Variants in GLUL observed in about 807,000 individuals in gnomAD.
GLUL encodes glutamate-ammonia ligase.
A neutral mutation model predicts 36.9 loss-of-function variants in GLUL; 8 were observed. The observed-to-expected ratio is 0.22, with a 90% confidence interval of 0.13 to 0.39. The LOEUF is 0.39. GLUL is among the 10% of genes least tolerant of loss of function. GLUL has a pLI of 1.00. For missense variants in GLUL, 315 were observed against 501.8 expected (o/e 0.63, Z 3.56); for synonymous variants, 182 against 172.8 (o/e 1.05, Z -0.42).
Position 182,381,539 on chromosome 1 carries a change from G to C in GLUL, c.*2866C>G, listed in dbSNP as rs1229363452. On this transcript the variant is annotated 3_prime_UTR_variant, in exon 7 of 7. Coordinates refer to ENST00000331872, the MANE Select transcript of GLUL (RefSeq NM_001033044.4). ...ATAAAAAACACCTTAGAAATACAAG[G>C]GGATTGCACTGTGACCTGTAGGTCA... Among the ~76,000 whole-genome samples, 2 of 152,070 alleles carry C rather than the reference G, an allele frequency of 1.3e-5. No individual in the cohort carries two copies. Among genetic ancestry groups the C allele is most frequent in the Non-Finnish European group, 2.9e-5 (2 of 68,030 alleles).
intron 2 of GLUL, 95 bp downstream of exon 2, chr1:182,388,477 G>T: frequency 9.2e-7 from 1 of 1,090,768 alleles, no homozygotes. Flanking sequence ...ACAAACAGAA[G>T]AAAGAGGCCT....
At chr1:182,389,085 C>A in intron 1 of GLUL, 1 of 356,836 alleles carries the variant, frequency 2.8e-6, no homozygotes, top group Non-Finnish European at 5.4e-6. Context: ...ACAGCTACTG[C>A]AGAACCCAGG....
In GLUL at chr1:182,385,972, C is replaced by T. The variant is rs532135746; in HGVS notation, c.476-85G>A. 9 of 1,380,936 alleles carry T rather than the reference C, an allele frequency of 6.5e-6. No individual in the cohort carries two copies. In the South Asian group the frequency reaches 8.1e-5, roughly 12 times the overall value. 85.5% of individuals were successfully genotyped at this position (1,380,936 alleles called of 1,614,324 possible). A position where few individuals can be genotyped will look rare whatever the true frequency, so the allele number is the denominator to read the frequency against. ...GAGATCAGAAGGCCCTTAAGCCTTG[C>T]CCTCTTGAATCACTATCCTTGCCTT... On this transcript the variant is annotated intron_variant, in intron 4 of 6. Transcript: ENST00000331872.
rs1649946553 is a variant in GLUL at position 182,381,983 on chromosome 1, C to T, written c.*2422G>A. The T allele has an allele frequency of 6.6e-6, 1 of 152,108 alleles. No homozygotes were observed. Among genetic ancestry groups the T allele is most frequent in the Non-Finnish European group, 1.5e-5 (1 of 68,024 alleles). The allele number at this position is 152,108 out of a possible 1,614,324, so 9.4% of individuals were successfully genotyped here. On this transcript the variant is annotated 3_prime_UTR_variant, in exon 7 of 7. Coordinates refer to ENST00000331872, the MANE Select transcript of GLUL (RefSeq NM_001033044.4). Reference sequence around the variant, plus strand: ...TTGAATATTAAATCATATTACGAGCCAACTTTCTTAAGAAAAACCACGGAT... The same window carrying T: ...TTGAATATTAAATCATATTACGAGCTAACTTTCTTAAGAAAAACCACGGAT...
chr1:182,386,200 A>G (rs759885355), intron 4 of GLUL, 56 bp downstream of exon 4: 30 of 1,514,990 alleles, frequency 2.0e-5, no homozygotes, highest in Non-Finnish European at 2.7e-5. Context: ...GGGAAGGGGC[A>G]TTCCTGCACA....
At position 182,384,215 on chromosome 1, in the gene GLUL, G is replaced by T. The variant is rs979398636; in HGVS notation, c.*190C>A. 10 of 614,120 alleles carry T rather than the reference G, an allele frequency of 1.6e-5. No individual in the cohort carries two copies. Among genetic ancestry groups the T allele is most frequent in the Non-Finnish European group, 2.9e-5 (10 of 343,146 alleles). 38.0% of individuals were successfully genotyped at this position (614,120 alleles called of 1,614,324 possible). A position where few individuals can be genotyped will look rare whatever the true frequency, so the allele number is the denominator to read the frequency against. On this transcript the variant is annotated 3_prime_UTR_variant, in exon 7 of 7. Coordinates refer to ENST00000331872, the MANE Select transcript of GLUL (RefSeq NM_001033044.4). Reference sequence around the variant, plus strand: ...TAGGGAAAAAAAGGAGGGTAGGTGTGAAGAAATTAATAACTTGACCCCTCT... The same window carrying T: ...TAGGGAAAAAAAGGAGGGTAGGTGTTAAGAAATTAATAACTTGACCCCTCT...
intron 3 of GLUL, 160 bp downstream of exon 3, chr1:182,386,971 C>G (rs2101934498): frequency 1.4e-6 from 1 of 705,024 alleles, no homozygotes; most frequent in East Asian, 2.7e-5. Context: ...CATATTATCT[C>G]TTCCTCAAAG....
rs1233228744 is a variant in GLUL, at chr1:182,381,688, A to C, written c.*2717T>G. The C allele has an allele frequency of 1.3e-5, 2 of 152,214 alleles. No individual in the cohort carries two copies. Among genetic ancestry groups the C allele is most frequent in the Non-Finnish European group, 2.9e-5 (2 of 68,042 alleles). The allele number at this position is 152,214 out of a possible 1,614,324, so 9.4% of individuals were successfully genotyped here. ...TTTGTCATGGAATTGATTACAATGAACAAAATCCAAAGTGCTCAGGTCACT... is the reference window on the plus strand; with the variant it reads ...TTTGTCATGGAATTGATTACAATGACCAAAATCCAAAGTGCTCAGGTCACT... On this transcript the variant is annotated 3_prime_UTR_variant, in exon 7 of 7. Coordinates refer to ENST00000331872, the MANE Select transcript of GLUL (RefSeq NM_001033044.4).
rs1217504053 is a variant in GLUL, at chr1:182,381,126, G to A, written c.*3279C>T. Reference sequence around the variant, plus strand: ...TACTAAAAATACAAAAATTAGCTGAGCATGGTGGTGCACACCTGTAGTCTC... The same window carrying A: ...TACTAAAAATACAAAAATTAGCTGAACATGGTGGTGCACACCTGTAGTCTC... On this transcript the variant is annotated 3_prime_UTR_variant, in exon 7 of 7. Transcript: ENST00000331872. 6.6e-6 allele frequency among the ~76,000 whole-genome samples: 1 copy of A among 152,206 alleles called. No individual in the cohort carries two copies. The highest frequency in any genetic ancestry group is 2.4e-5 in the African/African-American group (1 of 41,450).
intron 1 of GLUL, chr1:182,390,765 G>A: frequency 2.5e-6 from 1 of 399,156 alleles, no homozygotes; most frequent in Middle Eastern, 6.3e-4. Context: ...CAGCTGGAGC[G>A]CGACCCGGAG....
chr1:182,385,193 T>C (rs902466326), intron 6 of GLUL, 164 bp downstream of exon 6: 4 of 650,318 alleles, frequency 6.2e-6, no homozygotes, highest in African/African-American at 1.8e-5. Context: ...TGAAGGCAAG[T>C]GTCAACACCT....
chr1:182,385,568 A>C lies in GLUL; in HGVS notation c.604-12T>G, dbSNP rs1326113780. The C allele has an allele frequency of 6.2e-7, 1 of 1,612,574 alleles. No individual in the cohort carries two copies. Among genetic ancestry groups the C allele is most frequent in the African/African-American group, 1.3e-5 (1 of 74,982 alleles). ...ATCTGAAATTCCCACTAGAAACGAG[A>C]AGCTTGGCCATTAAAACAAAGCTAA... On this transcript the variant is annotated splice_polypyrimidine_tract_variant and intron_variant, in intron 5 of 6. Coordinates refer to ENST00000331872, the MANE Select transcript of GLUL (RefSeq NM_001033044.4).
At position 182,388,600 on chromosome 1, in the gene GLUL, G is replaced by C; in HGVS notation, c.138C>G (p.Thr46=). 6.2e-7 allele frequency: 1 copy of C among 1,613,884 alleles called. No individual in the cohort carries two copies. Among genetic ancestry groups the C allele is most frequent in the South Asian group, 1.1e-5 (1 of 91,078 alleles). ...TGEGLRCKTR[T]LDSEPKCVEE... is the part of the protein sequence containing the mutation. ...CCACACACTTGGGCTCACTGTCCAGGGTCCGGGTCTTGCAGCGCAGTCCTT... is the reference window on the plus strand; with the variant it reads ...CCACACACTTGGGCTCACTGTCCAGCGTCCGGGTCTTGCAGCGCAGTCCTT... The change falls in exon 2 of 7, where the codon ACC becomes ACG. Residue 46 remains threonine, a synonymous_variant. Transcript: ENST00000331872.
In GLUL at chr1:182,378,531, C is replaced by G. The variant is rs1215611956; in HGVS notation, c.*5874G>C. The stretch of plus-strand genomic sequence containing the variant: ...ACTTTAAGAACAATTATACCTTCTA[C>G]ATCTTACCACTCCCCATTCCTAGTG... On this transcript the variant is annotated 3_prime_UTR_variant, in exon 7 of 7. Transcript: ENST00000331872. Among the ~76,000 whole-genome samples, 2 of 152,176 alleles carry G rather than the reference C, an allele frequency of 1.3e-5. No individual in the cohort carries two copies. Among genetic ancestry groups the G allele is most frequent in the Non-Finnish European group, 2.9e-5 (2 of 68,036 alleles).
chr1:182,382,157 T>A lies in GLUL; in HGVS notation c.*2248A>T, dbSNP rs1367519163. ...TTGCCCACATTATTAGTAGTATTAA[T>A]GCTATTAATAATATTGCACTCCAAT... On this transcript the variant is annotated 3_prime_UTR_variant, in exon 7 of 7. Transcript: ENST00000331872. 6.6e-6 allele frequency: 1 copy of A among 152,216 alleles called. No homozygotes were observed. Among genetic ancestry groups the A allele is most frequent in the South Asian group, 2.1e-4 (1 of 4,826 alleles). The allele number at this position is 152,216 out of a possible 1,614,324, so 9.4% of individuals were successfully genotyped here.
chr1:182,386,069 C>G (rs1345391333), intron 4 of GLUL, 182 bp from the exon 5 acceptor site: 1 of 865,394 alleles, frequency 1.2e-6, no homozygotes, highest in Non-Finnish European at 2.0e-6. Flanking sequence ...TGGGGCCAAA[C>G]GTTCCCCCTA....
rs770756096 is a variant in GLUL at position 182,385,551 on chromosome 1, T to A, written c.609A>T (p.Glu203Asp). The A allele has an allele frequency of 6.2e-7, 1 of 1,613,900 alleles. No individual in the cohort carries two copies. Among genetic ancestry groups the A allele is most frequent in the Non-Finnish European group, 8.5e-7 (1 of 1,179,842 alleles). ...TTCCTTCACAAGGTCCAATCTGAAATTCCCACTAGAAACGAGAAGCTTGGC... is the reference window on the plus strand; with the variant it reads ...TTCCTTCACAAGGTCCAATCTGAAAATCCCACTAGAAACGAGAAGCTTGGC... ...TNAEVMPAQW[E>D]FQIGPCEGIS... The change falls in exon 6 of 7, where the codon GAA becomes GAT. Residue 203 changes from glutamate (E) to aspartate (D), a missense_variant. By Grantham distance (45) the Glu-to-Asp change is conservative (BLOSUM62 2). Coordinates refer to ENST00000331872, the MANE Select transcript of GLUL (RefSeq NM_001033044.4).
At chr1:182,385,936 T>A in intron 4 of GLUL, 49 bp from the exon 5 acceptor site, 1 of 1,591,710 alleles carries the variant, frequency 6.3e-7, no homozygotes, top group Non-Finnish European at 8.6e-7. Flanking sequence ...ATCCAGAGAA[T>A]CCCAAAGTCA....
At chr1:182,387,455 T>C (rs2101935204) in intron 2 of GLUL, among the ~76,000 whole-genome samples, 163 bp from the exon 3 acceptor site, 1 of 152,346 alleles carries the variant, frequency 6.6e-6, no homozygotes, top group South Asian at 2.1e-4. Context: ...CTGGCACCTG[T>C]ACCTGATCTT....
Sources: allele counts gnomAD v4.1 joint callset (sites outside exome capture counted in the v4.1 genomes callset), GRCh38; gene constraint gnomAD v4.1.1; transcripts MANE v1.5; gene names NCBI Gene and HGNC (gene_info 2026-07-23, HGNC 2026-07-21).